Variants in PDE3A observed in about 807,000 individuals in gnomAD.
The protein encoded by PDE3A is phosphodiesterase 3A, also known as cGMP-inhibited 3',5'-cyclic phosphodiesterase 3A.
In PDE3A, 43 loss-of-function variants were observed where a neutral mutation model predicts 98.3. The observed-to-expected ratio is 0.44, with a 90% CI of 0.34 to 0.56. The LOEUF is 0.56. PDE3A is among the 20% of genes least tolerant of loss of function. The probability of loss-of-function intolerance (pLI) is 0.01; values close to 1 mark genes in which losing one functional copy is unlikely to be tolerated. For synonymous variants in PDE3A, 663 were observed against 567.9 expected (o/e 1.17, Z -2.38); for missense variants, 1,427 against 1,440.7 (o/e 0.99, Z 0.15).
intron 2 of PDE3A, among the ~76,000 whole-genome samples, chr12:20,600,911 T>A (rs936466491): frequency 2.0e-5 from 3 of 152,214 alleles, no homozygotes; most frequent in Admixed American, 2.0e-4. Context: ...TTTAATTTAC[T>A]TGTCTTTTAA....
rs765318046 is a variant in PDE3A at position 20,370,291 on chromosome 12, T to G, written c.960+47T>G. The stretch of plus-strand genomic sequence containing the variant: ...CTCGGCTCTTGGAAACTTGAAACAC[T>G]TGGCAACCGGCGCAGAGTGGAGAGA... On this transcript the variant is annotated intron_variant, in intron 1 of 15. Coordinates refer to ENST00000359062, the MANE Select transcript of PDE3A (RefSeq NM_000921.5). The G allele has an allele frequency of 2.7e-6, 4 of 1,473,792 alleles. No individual in the cohort carries two copies. The African/African-American group carries it at 4.2e-5, about 16-fold the overall frequency. The allele number at this position is 1,473,792 out of a possible 1,614,324, so 91.3% of individuals were successfully genotyped here. A position where few individuals can be genotyped will look rare whatever the true frequency, so the allele number is the denominator to read the frequency against.
intron 6 of PDE3A, among the ~76,000 whole-genome samples, chr12:20,632,800 C>A (rs1015730603): frequency 6.6e-6 from 1 of 151,484 alleles, no homozygotes; most frequent in Admixed American, 6.6e-5. Flanking sequence ...AGTAACTGAT[C>A]GATCTGAAAA....
intron 1 of PDE3A, among the ~76,000 whole-genome samples, chr12:20,473,275 T>G (rs552273222): frequency 6.6e-6 from 1 of 152,318 alleles, no homozygotes; most frequent in African/African-American, 2.4e-5. Context: ...TCTTAAAACT[T>G]ACAGTCCCTT....
At chr12:20,456,339 T>C (rs1945150683) in intron 1 of PDE3A, among the ~76,000 whole-genome samples, 1 of 152,182 alleles carries the variant, frequency 6.6e-6, no homozygotes, top group African/African-American at 2.4e-5. Context: ...TTGTGTAATA[T>C]ATCATACCAC....
intron 1 of PDE3A, among the ~76,000 whole-genome samples, chr12:20,434,946 A>G (rs998699654): frequency 1.2e-4 from 18 of 152,216 alleles, no homozygotes; most frequent in African/African-American, 3.9e-4. Context: ...GTGAAAAAGA[A>G]TCCACTTAGA....
At chr12:20,551,056 A>T (rs759053024) in intron 1 of PDE3A, among the ~76,000 whole-genome samples, 1 of 151,142 alleles carries the variant, frequency 6.6e-6, no homozygotes, top group Non-Finnish European at 1.5e-5. Flanking sequence ...TATAGTAGCA[A>T]TATATATGCT....
intron 1 of PDE3A, among the ~76,000 whole-genome samples, chr12:20,507,887 T>C (rs1468328156): frequency 3.9e-5 from 6 of 152,062 alleles, no homozygotes; most frequent in Non-Finnish European, 8.8e-5. Context: ...CTTCCACCTC[T>C]CCTTCCTCAC....
At chr12:20,575,807 C>T (rs901328269) in intron 2 of PDE3A, among the ~76,000 whole-genome samples, 2 of 151,686 alleles carry the variant, frequency 1.3e-5, no homozygotes, top group African/African-American at 2.4e-5. Flanking sequence ...GATAAATGAG[C>T]TCAAGTTACA....
intron 14 of PDE3A, among the ~76,000 whole-genome samples, chr12:20,652,851 T>G (rs188893509): frequency 1.9e-3 from 288 of 152,290 alleles, no homozygotes; most frequent in African/African-American, 6.5e-3. Flanking sequence ...CTAAAGAGCT[T>G]CTGCACAGCA....
intron 6 of PDE3A, among the ~76,000 whole-genome samples, chr12:20,632,608 T>C (rs12307274): frequency 0.046 from 7,030 of 152,146 alleles, 173 homozygotes; most frequent in Non-Finnish European, 0.057. Flanking sequence ...CTGTTTAATA[T>C]TTAAAACAGT....
Position 20,552,193 on chromosome 12 carries a change from G to A in PDE3A, c.961-4467G>A, listed in dbSNP as rs192421838. On this transcript the variant is annotated intron_variant, in intron 1 of 15. Transcript: ENST00000359062. This position sits in a 1 kb window ranked among gnomAD's most constrained non-coding sequence, Gnocchi z 5.1. ...TGCTCCCATCAATGACCAAGAAGGGGCCGAGGCCAAGGACTGGCGGTCGGG... is the reference window on the plus strand; with the variant it reads ...TGCTCCCATCAATGACCAAGAAGGGACCGAGGCCAAGGACTGGCGGTCGGG... 2.8e-5 allele frequency: 45 copies of A among 1,613,908 alleles called. No individual in the cohort carries two copies. In the African/African-American group the frequency reaches 4.4e-4, roughly 16 times the overall value.
At chr12:20,675,058 T>C (rs958732409) in intron 15 of PDE3A, among the ~76,000 whole-genome samples, 1 of 152,082 alleles carries the variant, frequency 6.6e-6, no homozygotes, top group Admixed American at 6.5e-5. Flanking sequence ...TTTTAGTTTT[T>C]TGTTGTTGAT....
intron 12 of PDE3A, among the ~76,000 whole-genome samples, chr12:20,647,707 G>T (rs1381189778): frequency 6.6e-6 from 1 of 151,800 alleles, no homozygotes; most frequent in South Asian, 2.1e-4. Flanking sequence ...CATTTCCACA[G>T]CTCATCTTAT....
chr12:20,627,016 G>T (rs2121498258), intron 5 of PDE3A, among the ~76,000 whole-genome samples: 1 of 152,090 alleles, frequency 6.6e-6, no homozygotes, highest in Non-Finnish European at 1.5e-5. Context: ...TGTATCTGAA[G>T]CAATCAGCTG....
chr12:20,462,794 A>C (rs1945274273), intron 1 of PDE3A, among the ~76,000 whole-genome samples: 1 of 151,502 alleles, frequency 6.6e-6, no homozygotes. Flanking sequence ...TAAAAGCTAT[A>C]CTTTTTTTTT....
chr12:20,427,754 AGAT>A (rs1944625036), intron 1 of PDE3A, among the ~76,000 whole-genome samples: 1 of 152,132 alleles, frequency 6.6e-6, no homozygotes, highest in Admixed American at 6.5e-5. Flanking sequence ...AAAGTAAAGA[AGAT>A]GATCTAAATC....
At chr12:20,586,374 C>G (rs534362392) in intron 2 of PDE3A, among the ~76,000 whole-genome samples, 8 of 152,282 alleles carry the variant, frequency 5.3e-5, no homozygotes, top group African/African-American at 1.9e-4. Flanking sequence ...CTCACGTGCC[C>G]TTTACTACCT....
At chr12:20,593,283 G>A (rs1943383258) in intron 2 of PDE3A, among the ~76,000 whole-genome samples, 1 of 152,196 alleles carries the variant, frequency 6.6e-6, no homozygotes, top group Admixed American at 6.5e-5. Context: ...GGAGGGATGA[G>A]GCATTAGTAG....
chr12:20,485,477 T>G (rs1241081878), intron 1 of PDE3A, among the ~76,000 whole-genome samples: 1 of 152,162 alleles, frequency 6.6e-6, no homozygotes, highest in Non-Finnish European at 1.5e-5. Context: ...CCCATAAGAA[T>G]TCTGAAACTT....
Sources: gnomAD v4.1 joint callset for allele counts (sites outside exome capture counted in the v4.1 genomes callset) on GRCh38, gnomAD v4.1.1 for gene constraint, Gnocchi (gnomAD v3.1) non-coding constraint, MANE v1.5 for transcripts, NCBI Gene and HGNC (gene_info 2026-07-23, HGNC 2026-07-21) for gene names.